The following PREPL variants were observed in gnomAD, a reference collection of about 807,000 sequenced individuals.
The protein encoded by PREPL is prolyl endopeptidase like, also known as prolyl endopeptidase-like.
Under a neutral mutation model 70.6 loss-of-function variants are expected in PREPL, and 77 were observed. The ratio of observed to expected loss-of-function variants is 1.09; its 90% CI spans 0.91 to 1.32. The LOEUF (loss-of-function observed/expected upper bound fraction) is 1.32, where lower values mean the gene tolerates loss of function less well. Among genes scored for constraint, PREPL ranks in the 40% most tolerant of loss-of-function variants. The pLI is 0.00. For missense variants in PREPL, 1,002 were observed against 778.2 expected, an observed-to-expected ratio of 1.29 and a Z score of -3.42; for synonymous variants, 315 against 264.8, an observed-to-expected ratio of 1.19 and a Z score of -1.84.
intron 1 of PREPL, among the ~76,000 whole-genome samples, chr2:44,349,916 A>G (rs999183189): frequency 5.9e-5 from 9 of 152,232 alleles, no homozygotes; most frequent in South Asian, 2.1e-4. Flanking sequence ...GAAAAGCTAT[A>G]TAAGTCACTA....
At chr2:44,345,617 G>T (rs1013852317) in intron 2 of PREPL, among the ~76,000 whole-genome samples, 2 of 151,988 alleles carry the variant, frequency 1.3e-5, no homozygotes, top group Non-Finnish European at 2.9e-5. Context: ...CAAAGTGCTG[G>T]GATTACAGGC....
At chr2:44,360,601 G>GC (rs1677621061) in intron 1 of PREPL, 1 of 152,182 alleles carries the variant, frequency 6.6e-6, no homozygotes, top group Non-Finnish European at 1.5e-5. Context: ...CTAATAAGTA[G>GC]TTAAGAGTCA....
chr2:44,340,841 T>C (rs78321819), intron 5 of PREPL, among the ~76,000 whole-genome samples: 1 of 150,088 alleles, frequency 6.7e-6, no homozygotes, highest in Admixed American at 6.7e-5. Context: ...GGTAGAAGAA[T>C]CACTTGAACC....
At chr2:44,323,064 T>A (rs1673140229) in intron 11 of PREPL, among the ~76,000 whole-genome samples, 198 bp downstream of exon 11, 1 of 152,134 alleles carries the variant, frequency 6.6e-6, no homozygotes, top group Non-Finnish European at 1.5e-5. Context: ...CTTAGCTAAT[T>A]TAGTAATTAA....
rs1553360075 is a variant in PREPL at position 44,346,369 on chromosome 2, CTTGT to C, written c.-31_-28del. On this transcript the variant is annotated 5_prime_UTR_variant, in exon 2 of 14. Transcript: ENST00000409411. ...TTTTCTGGAAGGGGTTTTTCGTTTT[CTTGT>C]TTAACAGGCTGAAGATCCTGGAAAA... 2 of 1,612,252 alleles carry C rather than the reference CTTGT, an allele frequency of 1.2e-6. No homozygotes were observed. Among genetic ancestry groups the C allele is most frequent in the South Asian group, 1.1e-5 (1 of 90,896 alleles).
At chr2:44,337,991 C>T (rs1182623046) in intron 7 of PREPL, among the ~76,000 whole-genome samples, 1 of 152,206 alleles carries the variant, frequency 6.6e-6, no homozygotes, top group Non-Finnish European at 1.5e-5. Flanking sequence ...GATGGGGGAA[C>T]AGCAGTCAGT....
intron 5 of PREPL, among the ~76,000 whole-genome samples, chr2:44,341,800 G>A (rs1675257479): frequency 1.3e-5 from 2 of 151,056 alleles, no homozygotes; most frequent in African/African-American, 4.9e-5. Flanking sequence ...TTTTAAAAAT[G>A]CATCTTTTTT....
In PREPL at chr2:44,328,953, C is replaced by G. The variant is rs1673811368; in HGVS notation, c.1246G>C (p.Ala416Pro). ...RVLVDDGWIL[A>P]YCHVRGGGEL... The stretch of plus-strand genomic sequence containing the variant: ...CTGACTCACCGAACATGGCAGTATG[C>G]TAATATCCATCCATCATCCACCAGG... The change falls in exon 9 of 14, where the codon GCA becomes CCA. Residue 416 changes from alanine (A) to proline (P), a missense_variant. Transcript: ENST00000409411. 6.2e-7 allele frequency: 1 copy of G among 1,613,324 alleles called. No homozygotes were observed. The highest frequency in any genetic ancestry group is 8.5e-7 in the Non-Finnish European group (1 of 1,179,730).
intron 8 of PREPL, 132 bp downstream of exon 8, chr2:44,332,327 C>G (rs545406272): frequency 2.8e-6 from 2 of 718,866 alleles, no homozygotes; most frequent in African/African-American, 1.8e-5. Flanking sequence ...CCTAAAGTCA[C>G]TTGGGTATTA....
At chr2:44,355,999 CTGGA>C (rs1210961183) in intron 1 of PREPL, among the ~76,000 whole-genome samples, 2 of 152,016 alleles carry the variant, frequency 1.3e-5, no homozygotes, top group Non-Finnish European at 2.9e-5. Context: ...AATGTGATAT[CTGGA>C]TGGATGGATG....
At chr2:44,355,532 G>T (rs549965760) in intron 1 of PREPL, among the ~76,000 whole-genome samples, 1 of 152,254 alleles carries the variant, frequency 6.6e-6, no homozygotes, top group African/African-American at 2.4e-5. Flanking sequence ...CTGGGTGACA[G>T]AGTGAGACAC....
At chr2:44,326,647 C>T (rs1000839847) in intron 10 of PREPL, 65 bp downstream of exon 10, 2 of 1,525,658 alleles carry the variant, frequency 1.3e-6, no homozygotes, top group African/African-American at 2.7e-5. Context: ...AAACATTTTT[C>T]TTAGAGTAGC....
intron 1 of PREPL, among the ~76,000 whole-genome samples, chr2:44,355,528 G>GAC (rs1676933754): frequency 6.6e-6 from 1 of 152,056 alleles, no homozygotes; most frequent in Non-Finnish European, 1.5e-5. Context: ...CAGACTGGGT[G>GAC]ACAGAGTGAG....
chr2:44,351,268 T>C (rs370616954), intron 1 of PREPL, among the ~76,000 whole-genome samples: 2 of 152,182 alleles, frequency 1.3e-5, no homozygotes, highest in African/African-American at 4.8e-5. Context: ...CAGAGCTCAA[T>C]TCCTGCACTA....
chr2:44,321,699 G>A, intron 13 of PREPL, 128 bp downstream of exon 13: 3 of 1,577,090 alleles, frequency 1.9e-6, no homozygotes, highest in Non-Finnish European at 2.6e-6. Flanking sequence ...CTCCCCTCCT[G>A]GGTCTCACCC....
intron 1 of PREPL, among the ~76,000 whole-genome samples, chr2:44,355,733 G>A (rs1676958645): frequency 1.4e-5 from 2 of 143,456 alleles, no homozygotes; most frequent in Admixed American, 1.4e-4. Context: ...CTTTTTGCAA[G>A]ATATACAAAA....
rs764277333 is a variant in PREPL at position 44,333,137 on chromosome 2, G to A, written c.889-481C>T. 1.3e-5 allele frequency among the ~76,000 whole-genome samples: 2 copies of A among 152,114 alleles called. 1 individual carries two copies. The highest frequency in any genetic ancestry group is 4.1e-4 in the South Asian group (2 of 4,826). Reference sequence around the variant, plus strand: ...CACAGTGATGACAGTTATTATTTCAGGGCTATAAACGGGCTCAGCAGCATT... The same window carrying A: ...CACAGTGATGACAGTTATTATTTCAAGGCTATAAACGGGCTCAGCAGCATT... On this transcript the variant is annotated intron_variant, in intron 7 of 13. Coordinates refer to ENST00000409411, the MANE Select transcript of PREPL (RefSeq NM_001171613.2).
Position 44,351,214 on chromosome 2 carries a change from C to G in PREPL, c.-48-4824G>C, listed in dbSNP as rs149614989. On this transcript the variant is annotated intron_variant, in intron 1 of 13. Transcript: ENST00000409411. ...CCTCCCGAAGTGCTGGGATTACAGG[C>G]GTGAGCCACTGGGCCTGGCATCTCC... 5.1e-4 allele frequency among the ~76,000 whole-genome samples: 78 copies of G among 151,760 alleles called. 1 individual carries two copies. The East Asian group carries it at 0.012, about 23-fold the overall frequency.
chr2:44,339,510 G>T (rs894409839), intron 5 of PREPL, 147 bp from the exon 6 acceptor site: 1 of 1,243,464 alleles, frequency 8.0e-7, no homozygotes, highest in Non-Finnish European at 1.1e-6. Flanking sequence ...AATATCACTT[G>T]TAACTTTAAC....
Sources: gnomAD v4.1 joint callset for allele counts (sites outside exome capture counted in the v4.1 genomes callset) on GRCh38, gnomAD v4.1.1 for gene constraint, MANE v1.5 for transcripts, NCBI Gene and HGNC (gene_info 2026-07-23, HGNC 2026-07-21) for gene names.